Variants in TP63 observed in about 807,000 individuals in gnomAD.
The protein encoded by TP63 is tumor protein 63.
In TP63, 17 loss-of-function variants were observed where a neutral mutation model predicts 82.8. That is an observed-to-expected ratio of 0.21 (90% CI 0.14 to 0.31). The LOEUF (loss-of-function observed/expected upper bound fraction) is 0.31, where lower values mean the gene tolerates loss of function less well. Ranked by LOEUF, TP63 falls within the 10% of genes least tolerant of loss-of-function variation. The probability of loss-of-function intolerance (pLI) is 1.00; values close to 1 mark genes in which losing one functional copy is unlikely to be tolerated. For synonymous variants in TP63, 330 were observed against 321.7 expected, an observed-to-expected ratio of 1.03 and a Z score of -0.28; for missense variants, 648 against 895.3, an observed-to-expected ratio of 0.72 and a Z score of 3.52.
intron 4 of TP63, among the ~76,000 whole-genome samples, chr3:189,846,278 C>G (rs1450356433): frequency 1.3e-5 from 2 of 152,096 alleles, no homozygotes; most frequent in Non-Finnish European, 1.5e-5. Context: ...CCTCCCAAAG[C>G]AAAACAAAAT....
At chr3:189,600,738 T>G in the TP63 span, among the ~76,000 whole-genome samples, 1 of 152,194 alleles carries the variant, frequency 6.6e-6, no homozygotes, top group Non-Finnish European at 1.5e-5. Flanking sequence ...TTGAATAAAC[T>G]TTTAGGGATT....
At chr3:189,823,801 G>T (rs1446814675) in intron 4 of TP63, among the ~76,000 whole-genome samples, 1 of 152,106 alleles carries the variant, frequency 6.6e-6, no homozygotes, top group Non-Finnish European at 1.5e-5. Context: ...GGGTGAAAGT[G>T]ATTTGTAAAC....
At chr3:189,694,878 T>C (rs1362032839) in intron 1 of TP63, among the ~76,000 whole-genome samples, 1 of 128,616 alleles carries the variant, frequency 7.8e-6, no homozygotes, top group African/African-American at 3.0e-5. Context: ...TGATCTTGGC[T>C]CACTGCAACC....
chr3:189,607,812 A>T, the TP63 span, among the ~76,000 whole-genome samples: 10 of 152,160 alleles, frequency 6.6e-5, no homozygotes, highest in Admixed American at 2.0e-4. Context: ...TATCACTTTA[A>T]TGTATTTATA....
chr3:189,868,714 G>T lies in TP63; in HGVS notation c.1127G>T (p.Arg376Leu). 1.2e-6 allele frequency: 2 copies of T among 1,613,926 alleles called. No homozygotes were observed. Among genetic ancestry groups the T allele is most frequent in the Non-Finnish European group, 1.7e-6 (2 of 1,179,908 alleles). ...DSTKNGDGTK[R>L]PFRQNTHGIQ... ...ACAAAGAACGGTGATGGTACGAAGC[G>T]CCGTAAGTAGATGTAGTGGCCAAAT... Residue 376 changes from arginine (R) to leucine (L), a missense_variant and splice_region_variant, in exon 8 of 14, where the codon CGC becomes CTC. Coordinates refer to ENST00000264731, the MANE Select transcript of TP63 (RefSeq NM_003722.5).
chr3:189,645,472 T>G lies in TP63; in HGVS notation c.62+13895T>G, dbSNP rs1417231515. On this transcript the variant is annotated intron_variant, in intron 1 of 13. Transcript: ENST00000264731. ...ATTATATGATCTTCTTTTTTAAATT[T>G]TTTTTTATTTTTTATTGTGTTTTTT... is the stretch of plus-strand genomic sequence containing the variant. 5.4e-5 allele frequency: 13 copies of G among 239,382 alleles called. No homozygotes were observed. The East Asian group carries it at 9.8e-4, about 18-fold the overall frequency. 14.8% of individuals were successfully genotyped at this position (239,382 alleles called of 1,614,324 possible).
At chr3:189,616,214 T>G in the TP63 span, among the ~76,000 whole-genome samples, 2 of 152,220 alleles carry the variant, frequency 1.3e-5, no homozygotes, top group Non-Finnish European at 2.9e-5. Flanking sequence ...TACTGCTGCT[T>G]CTTTACCTAA....
chr3:189,641,291 CTTAA>C lies in TP63; in HGVS notation c.62+9719_62+9722del, dbSNP rs529373762. ...GTAGCAAATTTGGTTCTGAAATAAT[CTTAA>C]TTAAGTGTGAGGTAAAGGAAGATCT... On this transcript the variant is annotated intron_variant, in intron 1 of 13. Coordinates refer to ENST00000264731, the MANE Select transcript of TP63 (RefSeq NM_003722.5). Among the ~76,000 whole-genome samples the C allele has an allele frequency of 3.0e-4, 45 of 152,056 alleles. 1 individual carries two copies. In the South Asian group the frequency reaches 9.3e-3, roughly 32 times the overall value.
chr3:189,892,402 C>G (rs1473666554), intron 13 of TP63, among the ~76,000 whole-genome samples: 1 of 152,160 alleles, frequency 6.6e-6, no homozygotes, highest in Non-Finnish European at 1.5e-5. Context: ...TAAAATCCAT[C>G]CAGGGCATCA....
At chr3:189,807,528 C>T (rs1324082532) in intron 3 of TP63, among the ~76,000 whole-genome samples, 2 of 152,094 alleles carry the variant, frequency 1.3e-5, no homozygotes, top group Non-Finnish European at 2.9e-5. Flanking sequence ...GAATTTTCTT[C>T]ATAAGTAGTT....
intron 1 of TP63, among the ~76,000 whole-genome samples, chr3:189,654,829 T>C (rs558463567): frequency 7.2e-5 from 11 of 152,368 alleles, no homozygotes; most frequent in African/African-American, 2.6e-4. Context: ...CATGTCATTT[T>C]ATTTTCCATT....
chr3:189,864,434 ATCT>A lies in TP63; in HGVS notation c.766+17_766+19del. On this transcript the variant is annotated intron_variant, in intron 5 of 13. Transcript: ENST00000264731. ...TTCAACGAGGGTAAGCAGAATTTGA[ATCT>A]CTAACTGTTCAACCTCCTTGAAGGT... The A allele has an allele frequency of 6.2e-7, 1 of 1,609,782 alleles. No individual in the cohort carries two copies. Among genetic ancestry groups the A allele is most frequent in the Non-Finnish European group, 8.5e-7 (1 of 1,177,472 alleles).
At chr3:189,797,089 TA>T in intron 3 of TP63, among the ~76,000 whole-genome samples, 1 of 152,226 alleles carries the variant, frequency 6.6e-6, no homozygotes, top group Non-Finnish European at 1.5e-5. Context: ...GTGTGTAACG[TA>T]AATTGATATT....
intron 3 of TP63, among the ~76,000 whole-genome samples, chr3:189,784,496 A>G (rs766553074): frequency 6.6e-6 from 1 of 152,128 alleles, no homozygotes; most frequent in Non-Finnish European, 1.5e-5. Context: ...TGCAATAACA[A>G]TGAACATAGT....
intron 4 of TP63, among the ~76,000 whole-genome samples, chr3:189,831,818 CTTTTTTTTTTTTTT>C (rs1156431272): frequency 2.7e-5 from 2 of 73,170 alleles, no homozygotes; most frequent in Non-Finnish European, 2.5e-5. Flanking sequence ...CTATTATGCT[CTTTTTTTTTTTTTT>C]TTTTTTTTTT....
At chr3:189,708,991 A>T (rs1718400862) in intron 1 of TP63, among the ~76,000 whole-genome samples, 1 of 152,126 alleles carries the variant, frequency 6.6e-6, no homozygotes, top group South Asian at 2.1e-4. Flanking sequence ...ACATACCTAG[A>T]ATATATTTTA....
At chr3:189,848,328 G>A (rs906384339) in intron 4 of TP63, among the ~76,000 whole-genome samples, 5 of 143,914 alleles carry the variant, frequency 3.5e-5, no homozygotes, top group African/African-American at 1.3e-4. Context: ...TCAACCTGCT[G>A]CACTCAAGTG....
chr3:189,762,970 G>C (rs1315284889), intron 3 of TP63, among the ~76,000 whole-genome samples: 2 of 152,202 alleles, frequency 1.3e-5, no homozygotes, highest in Admixed American at 6.5e-5. Context: ...CCAGAGTTCT[G>C]TTATTAACAA....
chr3:189,709,817 T>C (rs1355642056), intron 1 of TP63, among the ~76,000 whole-genome samples: 1 of 152,182 alleles, frequency 6.6e-6, no homozygotes, highest in African/African-American at 2.4e-5. Flanking sequence ...TTAGGGATGA[T>C]ATAACTCAGG....
Sources: allele counts gnomAD v4.1 joint callset (sites outside exome capture counted in the v4.1 genomes callset), GRCh38; gene constraint gnomAD v4.1.1; transcripts MANE v1.5; gene names NCBI Gene and HGNC (gene_info 2026-07-23, HGNC 2026-07-21).